Variants in SP110 observed in about 807,000 individuals in gnomAD.
SP110 encodes interferon-induced protein 41, 30kD.
A neutral mutation model predicts 92.7 loss-of-function variants in SP110; 62 were observed. The ratio of observed to expected loss-of-function variants is 0.67; its 90% CI spans 0.55 to 0.83. The LOEUF (loss-of-function observed/expected upper bound fraction) is 0.83, where lower values mean the gene tolerates loss of function less well. Among genes scored for constraint, SP110 ranks in the 40% least tolerant of loss-of-function variants. The probability of loss-of-function intolerance (pLI) is 0.00; values close to 1 mark genes in which losing one functional copy is unlikely to be tolerated. For synonymous variants in SP110, 273 were observed against 305.3 expected (o/e 0.89, Z 1.10); for missense variants, 793 against 863.9 (o/e 0.92, Z 1.03).
chr2:230,178,298 T>G, intron 12 of SP110, 43 bp from the exon 13 acceptor site: 1 of 1,133,768 alleles, frequency 8.8e-7, no homozygotes, highest in Non-Finnish European at 1.3e-6. Flanking sequence ...CAGTCTTCAC[T>G]CCATCTTCCT....
intron 12 of SP110, among the ~76,000 whole-genome samples, chr2:230,182,539 T>TG (rs1245474959): frequency 4.0e-5 from 6 of 151,288 alleles, no homozygotes; most frequent in Non-Finnish European, 7.4e-5. Context: ...ACTTTGGGGT[T>TG]GGGTGGGTGA....
At chr2:230,175,375 TAAGAA>T (rs1485420575) in intron 14 of SP110, among the ~76,000 whole-genome samples, 5 of 139,840 alleles carry the variant, frequency 3.6e-5, no homozygotes, top group Middle Eastern at 3.8e-3. Flanking sequence ...TAATATTCTA[TAAGAA>T]AAGTTTAAAA....
At chr2:230,190,838 G>C (rs113159805) in intron 10 of SP110, among the ~76,000 whole-genome samples, 1 of 152,252 alleles carries the variant, frequency 6.6e-6, no homozygotes, top group Non-Finnish European at 1.5e-5. Context: ...GCTTGTTTTT[G>C]TCAGGTTTGT....
intron 2 of SP110, among the ~76,000 whole-genome samples, chr2:230,216,578 C>T (rs1414968547): frequency 6.6e-6 from 1 of 152,202 alleles, no homozygotes; most frequent in Admixed American, 6.5e-5. Context: ...GTCATTGTTA[C>T]AGCAGTCCTT....
In SP110 at chr2:230,178,237, G is replaced by C; in HGVS notation, c.1367C>G (p.Thr456Ser). The change falls in exon 13 of 19, where the codon ACT (threonine) becomes AGT (serine). Residue 456 changes from threonine (T) to serine (S), a missense_variant. Transcript: ENST00000258381. ...GAGCTTAGAACAGTGAAAATCCACA[G>C]TGTCACTTTTGGGTTTTCCTTAAAG... Reference protein sequence around the residue: ...IHRRGKPKSDTVDFHCSKLPV... With the variant: ...IHRRGKPKSDSVDFHCSKLPV... The C allele has an allele frequency of 6.2e-7, 1 of 1,611,524 alleles. No individual in the cohort carries two copies. The highest frequency in any genetic ancestry group is 2.2e-5 in the East Asian group (1 of 44,868).
intron 14 of SP110, among the ~76,000 whole-genome samples, chr2:230,177,108 AG>A (rs1161317231): frequency 6.6e-6 from 1 of 152,182 alleles, no homozygotes; most frequent in Non-Finnish European, 1.5e-5. Flanking sequence ...AGTTGTTCTC[AG>A]GACAGGAATA....
At chr2:230,205,335 C>A (rs1042278382) in intron 8 of SP110, among the ~76,000 whole-genome samples, 4 of 152,190 alleles carry the variant, frequency 2.6e-5, no homozygotes, top group African/African-American at 9.7e-5. Flanking sequence ...TCATCACCAA[C>A]AACACTGGTC....
intron 14 of SP110, among the ~76,000 whole-genome samples, chr2:230,175,314 A>C (rs1465729936): frequency 1.3e-5 from 2 of 152,152 alleles, no homozygotes; most frequent in Non-Finnish European, 2.9e-5. Flanking sequence ...TTGAAGGATA[A>C]CTCCATACTT....
At chr2:230,185,872 C>G (rs2148749237) in intron 11 of SP110, 122 bp downstream of exon 11, 3 of 893,706 alleles carry the variant, frequency 3.4e-6, no homozygotes, top group Admixed American at 3.4e-5. Flanking sequence ...CTTCATGTCC[C>G]TCTTTTCTGT....
chr2:230,169,160 A>T lies in SP110; in HGVS notation c.2106T>A (p.His702Gln). Reference protein sequence around the residue: ...EKDLKDVLGFHEANDGGFWTL... With the variant: ...EKDLKDVLGFQEANDGGFWTL... ...TCCAGAAACCGCCGTCATTGGCTTC[A>T]TGAAAACCGAGCACGTCTTTGAGAT... is the stretch of plus-strand genomic sequence containing the variant. Residue 702 changes from histidine to glutamine, a missense_variant, in exon 19 of 19, where the codon CAT becomes CAA. Transcript: ENST00000258381. 1.4e-5 allele frequency: 22 copies of T among 1,613,908 alleles called. No individual in the cohort carries two copies. The highest frequency in any genetic ancestry group is 1.9e-5 in the Non-Finnish European group (22 of 1,179,818).
At chr2:230,189,384 CT>C (rs1574634134) in intron 10 of SP110, among the ~76,000 whole-genome samples, 1 of 152,064 alleles carries the variant, frequency 6.6e-6, no homozygotes, top group Non-Finnish European at 1.5e-5. Context: ...ATTTATGTCA[CT>C]GTTACCATTC....
intron 9 of SP110, among the ~76,000 whole-genome samples, chr2:230,201,270 A>AG (rs1036353271): frequency 6.6e-6 from 1 of 152,290 alleles, no homozygotes; most frequent in African/African-American, 2.4e-5. Flanking sequence ...GTGAGCCCCT[A>AG]GGGGGTCTGT....
chr2:230,175,958 T>TTTTTTTTTTTC (rs2041840128), intron 14 of SP110, among the ~76,000 whole-genome samples: 1 of 151,138 alleles, frequency 6.6e-6, no homozygotes, highest in African/African-American at 2.4e-5. Flanking sequence ...TTTTTTTTTT[T>TTTTTTTTTTTC]TCTGAGACAG....
At chr2:230,177,407 T>A in intron 14 of SP110, 131 bp downstream of exon 14, 1 of 1,011,292 alleles carries the variant, frequency 9.9e-7, no homozygotes, top group South Asian at 1.3e-5. Context: ...GTTTTTTTTC[T>A]ATGAACATTT....
At chr2:230,187,342 T>C (rs2042404280) in intron 10 of SP110, among the ~76,000 whole-genome samples, 1 of 151,914 alleles carries the variant, frequency 6.6e-6, no homozygotes, top group South Asian at 2.1e-4. Flanking sequence ...CCACTTTTTG[T>C]GGGATTTTTT....
chr2:230,195,528 C>T (rs2042832559), intron 10 of SP110, among the ~76,000 whole-genome samples: 1 of 152,102 alleles, frequency 6.6e-6, no homozygotes, highest in Admixed American at 6.5e-5. Flanking sequence ...CGGGGTTTCA[C>T]CATGTTGGCC....
chr2:230,184,623 C>T (rs1402713515), intron 11 of SP110, among the ~76,000 whole-genome samples: 1 of 152,006 alleles, frequency 6.6e-6, no homozygotes, highest in Non-Finnish European at 1.5e-5. Context: ...CAACCAAAAG[C>T]TTCTTAAGTT....
Position 230,196,108 on chromosome 2 carries a change from A to G in SP110, c.1129+4777T>C, listed in dbSNP as rs143621922. Among the ~76,000 whole-genome samples the G allele has an allele frequency of 5.3e-5, 8 of 152,322 alleles. No individual in the cohort carries two copies. In the East Asian group the frequency reaches 1.5e-3, roughly 29 times the overall value. ...GGATGTAGGAAATGAATACTCATATATTGTTAAAGGGAATATAAATCATTA... is the reference window on the plus strand; with the variant it reads ...GGATGTAGGAAATGAATACTCATATGTTGTTAAAGGGAATATAAATCATTA... On this transcript the variant is annotated intron_variant, in intron 10 of 18. Transcript: ENST00000258381.
intron 16 of SP110, 148 bp from the exon 17 acceptor site, chr2:230,171,915 T>C: frequency 1.2e-6 from 1 of 846,326 alleles, no homozygotes; most frequent in Non-Finnish European, 2.1e-6. Flanking sequence ...GTGTGGGATT[T>C]TGTTTAGACT....
Sources: gnomAD v4.1 joint callset for allele counts (sites outside exome capture counted in the v4.1 genomes callset) on GRCh38, gnomAD v4.1.1 for gene constraint, MANE v1.5 for transcripts, NCBI Gene and HGNC (gene_info 2026-07-23, HGNC 2026-07-21) for gene names.